Variants in ATP8B1 observed in about 807,000 individuals in gnomAD.
The protein encoded by ATP8B1 is ATPase phospholipid transporting 8B1, also known as phospholipid-transporting ATPase IC.
A neutral mutation model predicts 149.9 loss-of-function variants in ATP8B1; 80 were observed. The ratio of observed to expected loss-of-function variants is 0.53; its 90% CI spans 0.45 to 0.64. The LOEUF (loss-of-function observed/expected upper bound fraction) is 0.64. Ranked by LOEUF, ATP8B1 falls within the 30% of genes least tolerant of loss-of-function variation. The pLI, the probability that ATP8B1 is intolerant of heterozygous loss-of-function variation, is 0.00. For synonymous variants in ATP8B1, 536 were observed against 562.8 expected (o/e 0.95, Z 0.67); for missense variants, 1,247 against 1,552.6 (o/e 0.80, Z 3.31).
At chr18:57,739,768 CTGAGTCATT>C (rs1197913514) in intron 1 of ATP8B1, among the ~76,000 whole-genome samples, 3 of 152,168 alleles carry the variant, frequency 2.0e-5, no homozygotes, top group African/African-American at 7.2e-5. Flanking sequence ...TTTTAGGAGT[CTGAGTCATT>C]TGAGGCCATC....
At chr18:57,687,108 C>A (rs186567280) in intron 13 of ATP8B1, among the ~76,000 whole-genome samples, 5 of 152,260 alleles carry the variant, frequency 3.3e-5, no homozygotes, top group Admixed American at 6.5e-5. Flanking sequence ...TTATTATAGG[C>A]ATGAGACACT....
chr18:57,670,960 T>G (rs34850836), intron 17 of ATP8B1, among the ~76,000 whole-genome samples: 14,645 of 152,146 alleles, frequency 0.096, 938 homozygotes, highest in Non-Finnish European at 0.13. Context: ...ACACCCGCCT[T>G]GGCCTCCCAA....
At chr18:57,774,589 C>A (rs957595412) in intron 1 of ATP8B1, among the ~76,000 whole-genome samples, 1 of 148,246 alleles carries the variant, frequency 6.7e-6, no homozygotes, top group Non-Finnish European at 1.5e-5. Context: ...GAGTGTGAGA[C>A]TCCATCTCAA....
chr18:57,733,156 T>C (rs2079806590), intron 1 of ATP8B1, among the ~76,000 whole-genome samples: 2 of 152,148 alleles, frequency 1.3e-5, no homozygotes, highest in South Asian at 4.1e-4. Flanking sequence ...TTTACACAAA[T>C]ACCTCAGGTT....
At chr18:57,754,054 T>C (rs1264558631) in intron 1 of ATP8B1, among the ~76,000 whole-genome samples, 8 of 138,744 alleles carry the variant, frequency 5.8e-5, no homozygotes, top group African/African-American at 2.3e-4. Flanking sequence ...CCATTTGCAT[T>C]GGACTTGAGG....
chr18:57,774,520 C>A (rs547944359), intron 1 of ATP8B1, among the ~76,000 whole-genome samples: 2 of 152,326 alleles, frequency 1.3e-5, no homozygotes, highest in Admixed American at 1.3e-4. Context: ...CTGCTTGAAC[C>A]TGGAGGCGGA....
chr18:57,702,687 G>A (rs12964081), intron 4 of ATP8B1, among the ~76,000 whole-genome samples: 58,151 of 151,844 alleles, frequency 0.38, 11,379 homozygotes, highest in South Asian at 0.55. Context: ...GAGAAACGCC[G>A]TCTCTACTAA....
At position 57,684,232 on chromosome 18, in the gene ATP8B1, AT is replaced by A. The variant is rs2122820402; in HGVS notation, c.1474-41del. ...GAAAAACAAAATATGATTTTATAAAATATTTTTGACTTAACAAATGACATGA... is the reference window on the plus strand; with the variant it reads ...GAAAAACAAAATATGATTTTATAAAAATTTTTGACTTAACAAATGACATGA... On this transcript the variant is annotated intron_variant, in intron 14 of 27. Coordinates refer to ENST00000648908, the MANE Select transcript of ATP8B1 (RefSeq NM_001374385.1). 8 of 1,582,106 alleles carry A rather than the reference AT, an allele frequency of 5.1e-6. No homozygotes were observed. In the East Asian group the frequency reaches 1.8e-4, roughly 37 times the overall value.
intron 15 of ATP8B1, among the ~76,000 whole-genome samples, chr18:57,682,825 T>C (rs544561793): frequency 1.3e-5 from 2 of 152,236 alleles, no homozygotes; most frequent in African/African-American, 4.8e-5. Flanking sequence ...ATGTACAGCT[T>C]CTATACATTT....
intron 13 of ATP8B1, among the ~76,000 whole-genome samples, chr18:57,686,178 T>C (rs1912232535): frequency 6.6e-6 from 1 of 151,378 alleles, no homozygotes; most frequent in South Asian, 2.1e-4. Flanking sequence ...AGGAGAATCA[T>C]GTGAACCTGG....
At chr18:57,672,921 T>A (rs1309368544) in intron 16 of ATP8B1, among the ~76,000 whole-genome samples, 1 of 48,342 alleles carries the variant, frequency 2.1e-5, no homozygotes, top group African/African-American at 9.5e-5. Flanking sequence ...TATATATATA[T>A]ATATATATAT....
intron 11 of ATP8B1, among the ~76,000 whole-genome samples, chr18:57,693,026 T>G (rs1912619747): frequency 6.6e-6 from 1 of 152,198 alleles, no homozygotes; most frequent in Admixed American, 6.5e-5. Flanking sequence ...AAGAGCAGAG[T>G]GCCAAACAGG....
intron 1 of ATP8B1, among the ~76,000 whole-genome samples, chr18:57,776,401 G>A (rs960122837): frequency 3.3e-5 from 5 of 152,158 alleles, no homozygotes; most frequent in South Asian, 2.1e-4. Context: ...TAATTATCTC[G>A]TTTAATGACC....
At chr18:57,648,963 T>C (rs2122531951) in intron 27 of ATP8B1, among the ~76,000 whole-genome samples, 1 of 152,108 alleles carries the variant, frequency 6.6e-6, no homozygotes. Flanking sequence ...AATGGCACGA[T>C]CTTGGCTCAC....
intron 1 of ATP8B1, chr18:57,737,733 C>T (rs1352041448): frequency 1.3e-5 from 2 of 152,130 alleles, no homozygotes; most frequent in Non-Finnish European, 1.5e-5. Context: ...TGTAAGTTAT[C>T]CTTTTCATCA....
chr18:57,661,971 G>A (rs1288012577), intron 21 of ATP8B1, among the ~76,000 whole-genome samples: 1 of 152,092 alleles, frequency 6.6e-6, no homozygotes, highest in Admixed American at 6.5e-5. Context: ...GCCCGCCTTG[G>A]CCTCCCAAAG....
At chr18:57,737,790 C>A (rs145792400) in intron 1 of ATP8B1, 5 of 152,290 alleles carry the variant, frequency 3.3e-5, no homozygotes, top group Non-Finnish European at 5.9e-5. Context: ...TGTCTCCAGC[C>A]CTTTGAGGTT....
chr18:57,651,631 GTTTT>G (rs1043451940), intron 26 of ATP8B1, among the ~76,000 whole-genome samples: 1 of 150,172 alleles, frequency 6.7e-6, no homozygotes, highest in South Asian at 2.1e-4. Flanking sequence ...GTTGTGCTTT[GTTTT>G]TTTTGTTTTT....
chr18:57,713,886 C>A (rs1345895087), intron 2 of ATP8B1, among the ~76,000 whole-genome samples: 1 of 152,056 alleles, frequency 6.6e-6, no homozygotes, highest in Non-Finnish European at 1.5e-5. Context: ...CTCAGCCTCC[C>A]AAAGTGCTGG....
Sources: allele counts gnomAD v4.1 joint callset (sites outside exome capture counted in the v4.1 genomes callset), GRCh38; gene constraint gnomAD v4.1.1; transcripts MANE v1.5; gene names NCBI Gene and HGNC (gene_info 2026-07-23, HGNC 2026-07-21).